CTNNA3: variants seen among roughly 807,000 people sequenced by gnomAD.
The protein encoded by CTNNA3 is catenin alpha 3.
In CTNNA3, 76 loss-of-function variants were observed where a neutral mutation model predicts 95.7. The ratio of observed to expected loss-of-function variants is 0.79; its 90% confidence interval spans 0.66 to 0.96. CTNNA3 has a LOEUF of 0.96. CTNNA3 is among the 40% of genes least tolerant of loss of function. The pLI is 0.00. For missense variants in CTNNA3, 1,191 were observed against 1,089.8 expected (o/e 1.09, Z -1.31); for synonymous variants, 431 against 374.4 (o/e 1.15, Z -1.74).
intron 4 of CTNNA3, among the ~76,000 whole-genome samples, chr10:67,525,932 C>T (rs775378500): frequency 3.9e-5 from 6 of 152,082 alleles, no homozygotes; most frequent in Admixed American, 6.6e-5. Flanking sequence ...ATACCCGCAG[C>T]GTTATGTGTA....
At chr10:66,734,981 G>C (rs1479971590) in intron 9 of CTNNA3, among the ~76,000 whole-genome samples, 1 of 151,130 alleles carries the variant, frequency 6.6e-6, no homozygotes, top group Non-Finnish European at 1.5e-5. Flanking sequence ...TTGTTTTATA[G>C]ATAAGATGTT....
In CTNNA3 at chr10:67,026,705, C is replaced by T. The variant is rs561825885; in HGVS notation, c.1047+153612G>A. Among the ~76,000 whole-genome samples the T allele has an allele frequency of 6.3e-4, 96 of 152,122 alleles. 1 individual carries two copies. The highest frequency in any genetic ancestry group is 2.1e-3 in the African/African-American group (86 of 41,510). On this transcript the variant is annotated intron_variant, in intron 7 of 17. Transcript: ENST00000433211. ...CTCTTTCAGTTTGAGCAACCAGTGA[C>T]GAAAAAGTATATTAACGTTCATTTA...
intron 13 of CTNNA3, among the ~76,000 whole-genome samples, chr10:66,266,600 G>A (rs1197239471): frequency 6.6e-6 from 1 of 151,996 alleles, no homozygotes; most frequent in Non-Finnish European, 1.5e-5. Context: ...ATGAGTCCCT[G>A]AAACTGGTGA....
intron 13 of CTNNA3, among the ~76,000 whole-genome samples, chr10:66,219,916 G>C (rs1424308512): frequency 2.0e-5 from 3 of 152,096 alleles, no homozygotes; most frequent in African/African-American, 7.2e-5. Context: ...TTGAGGTCAG[G>C]AGTTTGAGAC....
intron 11 of CTNNA3, among the ~76,000 whole-genome samples, chr10:66,461,684 T>A (rs1358662345): frequency 4.4e-5 from 6 of 136,436 alleles, no homozygotes; most frequent in Non-Finnish European, 7.6e-5. Flanking sequence ...TATATATATA[T>A]GTATATATAT....
intron 5 of CTNNA3, among the ~76,000 whole-genome samples, chr10:67,340,529 A>T (rs1162693088): frequency 6.6e-6 from 1 of 152,210 alleles, no homozygotes; most frequent in Non-Finnish European, 1.5e-5. Flanking sequence ...CTTAAGACTA[A>T]CAGGCAAAGA....
intron 3 of CTNNA3, among the ~76,000 whole-genome samples, chr10:67,567,060 T>C (rs1278922803): frequency 6.8e-6 from 1 of 146,030 alleles, no homozygotes; most frequent in Middle Eastern, 3.4e-3. Flanking sequence ...TTAGGAGATA[T>C]ACCTAATGCT....
At chr10:67,127,687 C>T (rs1458904790) in intron 7 of CTNNA3, among the ~76,000 whole-genome samples, 1 of 152,172 alleles carries the variant, frequency 6.6e-6, no homozygotes, top group Non-Finnish European at 1.5e-5. Context: ...CTAGGTACAT[C>T]TGTACCAGGT....
At chr10:67,302,026 A>C (rs61866886) in intron 5 of CTNNA3, among the ~76,000 whole-genome samples, 2,852 of 39,574 alleles carry the variant, frequency 0.072, 711 homozygotes, top group African/African-American at 0.37. Flanking sequence ...AAAGAAAGAA[A>C]GAAAGAAAGA....
intron 5 of CTNNA3, among the ~76,000 whole-genome samples, chr10:67,513,788 C>T (rs1437245485): frequency 6.6e-6 from 1 of 152,184 alleles, no homozygotes; most frequent in Non-Finnish European, 1.5e-5. Context: ...CCAATCTCAG[C>T]ATCATGCAGC....
intron 7 of CTNNA3, among the ~76,000 whole-genome samples, chr10:67,043,062 TAC>T (rs1364728548): frequency 6.6e-6 from 1 of 151,236 alleles, no homozygotes; most frequent in Non-Finnish European, 1.5e-5. Context: ...AGTCAGGAAA[TAC>T]AGATATAAAT....
At chr10:67,122,465 G>C (rs1298761657) in intron 7 of CTNNA3, among the ~76,000 whole-genome samples, 6 of 152,004 alleles carry the variant, frequency 3.9e-5, no homozygotes, top group Non-Finnish European at 8.8e-5. Context: ...AATCTCATTA[G>C]CCATTAATTT....
At chr10:66,669,332 T>A (rs1053203265) in intron 9 of CTNNA3, among the ~76,000 whole-genome samples, 1 of 151,966 alleles carries the variant, frequency 6.6e-6, no homozygotes, top group Non-Finnish European at 1.5e-5. Flanking sequence ...TCACTTGAGG[T>A]CAGGAGTTCG....
At chr10:67,051,733 T>C (rs1398858813) in intron 7 of CTNNA3, among the ~76,000 whole-genome samples, 1 of 144,308 alleles carries the variant, frequency 6.9e-6, no homozygotes, top group African/African-American at 2.6e-5. Flanking sequence ...GGAGTGAAGT[T>C]ATACACATTG....
At chr10:67,334,725 G>T (rs936964958) in intron 5 of CTNNA3, 4 of 152,776 alleles carry the variant, frequency 2.6e-5, no homozygotes, top group African/African-American at 4.8e-5. Context: ...GAAGACAAAG[G>T]AGTTCTGGCT....
At chr10:66,497,897 T>A (rs1840151580) in intron 11 of CTNNA3, among the ~76,000 whole-genome samples, 2 of 152,192 alleles carry the variant, frequency 1.3e-5, no homozygotes, top group South Asian at 4.1e-4. Context: ...AAGACATAGA[T>A]AATAAAAGTC....
chr10:66,746,070 T>C (rs948914590), intron 9 of CTNNA3, among the ~76,000 whole-genome samples: 2 of 152,158 alleles, frequency 1.3e-5, no homozygotes, highest in Admixed American at 1.3e-4. Context: ...GCATGTTCCT[T>C]AATTTTCTTG....
At chr10:66,603,698 AC>A (rs2132264971) in intron 10 of CTNNA3, among the ~76,000 whole-genome samples, 1 of 152,322 alleles carries the variant, frequency 6.6e-6, no homozygotes, top group African/African-American at 2.4e-5. Context: ...AGCTATAGTA[AC>A]TAAAACAGTA....
chr10:66,080,500 ATC>A (rs570506078), intron 14 of CTNNA3, among the ~76,000 whole-genome samples: 4 of 152,166 alleles, frequency 2.6e-5, no homozygotes, highest in Middle Eastern at 3.2e-3. Flanking sequence ...ACATTGCAAT[ATC>A]TCTGATTTTT....
Sources: allele counts gnomAD v4.1 joint callset (sites outside exome capture counted in the v4.1 genomes callset), GRCh38; gene constraint gnomAD v4.1.1; transcripts MANE v1.5; gene names NCBI Gene and HGNC (gene_info 2026-07-23, HGNC 2026-07-21).